Variants in PCDH11X observed in about 807,000 individuals in gnomAD.
PCDH11X encodes the protein protocadherin 11 X-linked.
In PCDH11X, 18 loss-of-function variants were observed where a neutral mutation model predicts 53.3. The observed-to-expected ratio is 0.34, with a 90% CI of 0.23 to 0.50. The LOEUF (loss-of-function observed/expected upper bound fraction) is 0.50, where lower values mean the gene tolerates loss of function less well. Among genes scored for constraint, PCDH11X ranks in the 20% least tolerant of loss-of-function variants. The pLI, the probability that PCDH11X is intolerant of heterozygous loss-of-function variation, is 0.98. For synonymous variants in PCDH11X, 279 were observed against 393.3 expected (o/e 0.71, Z 3.44); for missense variants, 570 against 1,032.4 (o/e 0.55, Z 6.14).
intron 7 of PCDH11X, among the ~76,000 whole-genome samples, chrX:92,220,816 T>C (rs1212041372): frequency 9.5e-6 from 1 of 104,937 alleles, no homozygotes; most frequent in Non-Finnish European, 2.0e-5. Flanking sequence ...CCAACAATGA[T>C]AGACTGGATT....
chrX:91,825,405 A>T (rs1041554253), intron 4 of PCDH11X, among the ~76,000 whole-genome samples: 2 of 111,840 alleles, frequency 1.8e-5, no homozygotes, highest in South Asian at 3.8e-4. Context: ...CCGTCGGAAA[A>T]GCACAGTATT....
At chrX:92,132,687 G>GTATATA (rs369282634) in intron 6 of PCDH11X, among the ~76,000 whole-genome samples, 1 of 67,738 alleles carries the variant, frequency 1.5e-5, no homozygotes, top group Non-Finnish European at 2.6e-5. Flanking sequence ...ATATATATAT[G>GTATATA]TATATATATA....
intron 6 of PCDH11X, among the ~76,000 whole-genome samples, chrX:91,966,057 AGGAACTATAGAGG>A (rs762635993): frequency 8.1e-5 from 9 of 111,676 alleles, no homozygotes; most frequent in Non-Finnish European, 1.7e-4. Context: ...ATTAGAAGAC[AGGAACTATAGAGG>A]GGCAAGGAAA....
chrX:92,326,009 G>A (rs34430060), intron 8 of PCDH11X, among the ~76,000 whole-genome samples: 2 of 112,081 alleles, frequency 1.8e-5, no homozygotes, highest in Non-Finnish European at 3.8e-5. Context: ...TGAAAGAAAC[G>A]AGTCCTCTGG....
chrX:92,424,673 A>G (rs2072064767), intron 9 of PCDH11X, among the ~76,000 whole-genome samples: 1 of 97,646 alleles, frequency 1.0e-5, no homozygotes, highest in Admixed American at 1.1e-4. Context: ...AAGGGAGCTT[A>G]CATTATGGAC....
chrX:92,158,291 T>C (rs938076673), intron 6 of PCDH11X, among the ~76,000 whole-genome samples: 3 of 111,171 alleles, frequency 2.7e-5, no homozygotes, highest in Non-Finnish European at 3.8e-5. Context: ...TTGCACTTCA[T>C]AGGAAATGTA....
intron 6 of PCDH11X, among the ~76,000 whole-genome samples, chrX:92,136,377 CAG>C (rs1248630385): frequency 9.1e-6 from 1 of 109,892 alleles, no homozygotes; most frequent in Admixed American, 9.7e-5. Flanking sequence ...AGAGAGGCAA[CAG>C]GGGATCAGAT....
chrX:91,883,109 T>G (rs1378640492), intron 6 of PCDH11X: 30 of 1,006,661 alleles, frequency 3.0e-5, no homozygotes, highest in Non-Finnish European at 3.8e-5. Flanking sequence ...ACCTTGTGCT[T>G]TCTTTAGCTG....
chrX:92,010,670 G>GT (rs954083757), intron 6 of PCDH11X, among the ~76,000 whole-genome samples: 1 of 109,936 alleles, frequency 9.1e-6, no homozygotes, highest in Non-Finnish European at 1.9e-5. Context: ...TATTGTCTCT[G>GT]TTTTTTAGAT....
intron 10 of PCDH11X, among the ~76,000 whole-genome samples, chrX:92,484,118 AGT>A (rs1491456330): frequency 0.012 from 836 of 71,676 alleles, 13 homozygotes; most frequent in African/African-American, 0.038. Flanking sequence ...GTATATATAT[AGT>A]ATATATATGT....
chrX:91,801,012 C>T (rs1451538682), intron 1 of PCDH11X, among the ~76,000 whole-genome samples: 6 of 107,579 alleles, frequency 5.6e-5, no homozygotes, highest in Non-Finnish European at 1.1e-4. Context: ...AACCTCATCT[C>T]TACCAAAAGT....
At chrX:92,430,884 G>A (rs1389188549) in intron 9 of PCDH11X, among the ~76,000 whole-genome samples, 1 of 106,489 alleles carries the variant, frequency 9.4e-6, no homozygotes, top group Non-Finnish European at 1.9e-5. Context: ...TAGTTTTATT[G>A]AGAGAATACA....
chrX:92,239,067 C>G (rs185124174), intron 7 of PCDH11X, among the ~76,000 whole-genome samples: 1 of 111,196 alleles, frequency 9.0e-6, no homozygotes, highest in Non-Finnish European at 1.9e-5. Flanking sequence ...CCTTTATTTT[C>G]ATCCATTGCT....
intron 8 of PCDH11X, among the ~76,000 whole-genome samples, chrX:92,366,833 T>C (rs1252366370): frequency 3.7e-5 from 4 of 108,296 alleles, no homozygotes; most frequent in Non-Finnish European, 7.6e-5. Flanking sequence ...TGATTTCTAA[T>C]TTGATTGCAC....
chrX:91,959,385 A>G (rs992223911), intron 6 of PCDH11X, among the ~76,000 whole-genome samples: 2 of 111,600 alleles, frequency 1.8e-5, no homozygotes, highest in Middle Eastern at 4.6e-3. Context: ...TTAGAGCTTC[A>G]GAACTTATTC....
chrX:92,621,696 G>A lies in PCDH11X; in HGVS notation c.*2756G>A, dbSNP rs1203810193. The A allele has an allele frequency of 9.0e-6, 1 of 111,533 alleles. No homozygotes were observed. Among genetic ancestry groups the A allele is most frequent in the Non-Finnish European group, 1.9e-5 (1 of 53,141 alleles). The allele number at this position is 111,533 out of a possible 1,213,427, so 9.2% of individuals were successfully genotyped here. The stretch of plus-strand genomic sequence containing the variant: ...TATTTCTCTGACTGAATAGACAGTG[G>A]TATAGGTTGACACAGCACACAAGTG... On this transcript the variant is annotated 3_prime_UTR_variant, in exon 11 of 11. Transcript: ENST00000682573.
chrX:92,438,373 A>G (rs1325762317), intron 9 of PCDH11X, among the ~76,000 whole-genome samples: 2 of 111,550 alleles, frequency 1.8e-5, no homozygotes, highest in African/African-American at 6.5e-5. Context: ...GTTGAATTTA[A>G]TTTAAAATGT....
intron 4 of PCDH11X, among the ~76,000 whole-genome samples, chrX:91,831,264 A>G (rs1937095754): frequency 9.1e-6 from 1 of 110,281 alleles, no homozygotes; most frequent in Non-Finnish European, 1.9e-5. Flanking sequence ...TAGCATGGGC[A>G]CTACTGGAAC....
At chrX:92,560,107 A>T (rs2075110597) in intron 10 of PCDH11X, among the ~76,000 whole-genome samples, 1 of 112,039 alleles carries the variant, frequency 8.9e-6, no homozygotes, top group East Asian at 2.8e-4. Flanking sequence ...TGCATTTTGG[A>T]TACCAGCTCA....
Sources: allele counts gnomAD v4.1 joint callset (sites outside exome capture counted in the v4.1 genomes callset), GRCh38; gene constraint gnomAD v4.1.1; transcripts MANE v1.5; gene names NCBI Gene and HGNC (gene_info 2026-07-23, HGNC 2026-07-21).